MASP1: variants seen among roughly 807,000 people sequenced by gnomAD.
MASP1 encodes the protein mannan-binding lectin serine protease 1.
A neutral mutation model predicts 77.1 loss-of-function variants in MASP1; 59 were observed. That is an observed-to-expected ratio of 0.77 (90% CI 0.62 to 0.95). The LOEUF (loss-of-function observed/expected upper bound fraction) is 0.95, where lower values mean the gene tolerates loss of function less well. Among genes scored for constraint, MASP1 ranks in the 40% least tolerant of loss-of-function variants. MASP1 has a pLI of 0.00. For missense variants in MASP1, 885 were observed against 912.9 expected, an observed-to-expected ratio of 0.97 and a Z score of 0.39; for synonymous variants, 362 against 354.5, an observed-to-expected ratio of 1.02 and a Z score of -0.24.
chr3:187,288,493 T>G (rs1718034227), intron 1 of MASP1, among the ~76,000 whole-genome samples: 1 of 152,222 alleles, frequency 6.6e-6, no homozygotes, highest in Non-Finnish European at 1.5e-5. Context: ...GGAGGTCTTG[T>G]TTCCTCATCC....
chr3:187,225,536 A>C, intron 12 of MASP1: 1 of 1,611,016 alleles, frequency 6.2e-7, no homozygotes, highest in Non-Finnish European at 8.5e-7. Flanking sequence ...CATGTGAGGC[A>C]TGGGTGCAAT....
At chr3:187,251,425 A>C (rs971097604) in intron 7 of MASP1, 111 of 565,336 alleles carry the variant, frequency 2.0e-4, no homozygotes, top group Middle Eastern at 4.8e-4. Flanking sequence ...AAAAAAAAAA[A>C]AAACAAACTT....
At chr3:187,249,144 G>C (rs954611432) in intron 8 of MASP1, among the ~76,000 whole-genome samples, 2 of 152,140 alleles carry the variant, frequency 1.3e-5, no homozygotes, top group South Asian at 4.1e-4. Flanking sequence ...TGCAATCTCC[G>C]CCTCCTGGGT....
intron 2 of MASP1, among the ~76,000 whole-genome samples, chr3:187,281,674 T>C (rs370979290): frequency 6.6e-6 from 1 of 152,332 alleles, no homozygotes; most frequent in East Asian, 1.9e-4. Context: ...TTTCTGGTGT[T>C]ATCCTGACTA....
Position 187,251,645 on chromosome 3 carries a change from T to G in MASP1, c.1000A>C (p.Lys334Gln). 1 of 1,614,076 alleles carries G rather than the reference T, an allele frequency of 6.2e-7. No homozygotes were observed. The highest frequency in any genetic ancestry group is 1.3e-5 in the African/African-American group (1 of 75,040). ...GCAAGGCTCTGCACCTTCAGCACTT[T>G]GTAGCCTGTGTCACAGCTGACGAGC... ...QVLVSCDTGYKVLKDNVEMDT... is the reference protein window; with the variant it reads ...QVLVSCDTGYQVLKDNVEMDT... Residue 334 changes from lysine to glutamine, a missense_variant, in exon 7 of 11, where the codon AAA (lysine) becomes CAA (glutamine). Physicochemically the swap from Lys to Gln is moderately conservative, Grantham distance 53 (BLOSUM62 1). Transcript: ENST00000296280.
chr3:187,256,087 T>A (rs1329107341), intron 5 of MASP1, among the ~76,000 whole-genome samples: 1 of 152,138 alleles, frequency 6.6e-6, no homozygotes, highest in African/African-American at 2.4e-5. Context: ...TTAATTATAA[T>A]ATTGAAATAA....
chr3:187,223,108 G>T (rs777730617), intron 14 of MASP1: 1 of 1,607,328 alleles, frequency 6.2e-7, no homozygotes, highest in African/African-American at 1.3e-5. Context: ...CTGTCTGTAG[G>T]TTATAAAGTG....
Position 187,262,713 on chromosome 3 carries a change from G to T in MASP1, c.245C>A (p.Thr82Asn). 6.2e-7 allele frequency: 1 copy of T among 1,614,020 alleles called. No homozygotes were observed. Among genetic ancestry groups the T allele is most frequent in the Non-Finnish European group, 8.5e-7 (1 of 1,179,950 alleles). ...LCEYDYVKVE[T>N]EDQVLATFCG... ...GAAGGTTGCCAGCACCTGGTCCTCA[G>T]TTTCTACCTTTGAGGTCAAAGAGAA... Residue 82 changes from threonine to asparagine, a missense_variant, in exon 3 of 11, where the codon ACT becomes AAT. Thr to Asn is a moderately conservative substitution (Grantham distance 65). Coordinates refer to ENST00000296280, the MANE Select transcript of MASP1 (RefSeq NM_139125.4).
At chr3:187,246,262 G>T (rs1579503971) in intron 8 of MASP1, 1 of 417,718 alleles carries the variant, frequency 2.4e-6, no homozygotes, top group Non-Finnish European at 3.2e-6. Context: ...AATGTTGTCT[G>T]CATCAAAGCT....
chr3:187,236,522 A>T lies in MASP1; in HGVS notation c.1349T>A (p.Ile450Asn). 6.2e-7 allele frequency: 1 copy of T among 1,613,966 alleles called. No individual in the cohort carries two copies. Among genetic ancestry groups the T allele is most frequent in the Non-Finnish European group, 8.5e-7 (1 of 1,179,964 alleles). Reference protein sequence around the residue: ...SRSLPSLVKRIIGGRNAEPGL... With the variant: ...SRSLPSLVKRNIGGRNAEPGL... ...AGGCTCAGCATTTCGGCCCCCAATGATCCTCTTGACCAGGCTTGGCAGGGA... is the reference window on the plus strand; with the variant it reads ...AGGCTCAGCATTTCGGCCCCCAATGTTCCTCTTGACCAGGCTTGGCAGGGA... Residue 450 changes from isoleucine (I) to asparagine (N), a missense_variant, in exon 11 of 11, where the codon ATC becomes AAC. Physicochemically the swap from Ile to Asn is moderately radical, Grantham distance 149. Coordinates refer to ENST00000296280, the MANE Select transcript of MASP1 (RefSeq NM_139125.4).
intron 2 of MASP1, among the ~76,000 whole-genome samples, chr3:187,273,950 C>G (rs1716741057): frequency 6.6e-6 from 1 of 152,228 alleles, no homozygotes; most frequent in Admixed American, 6.5e-5. Context: ...TGGCCCATGC[C>G]TGTAATCCCT....
At chr3:187,219,111 TG>T in exon 16 of MASP1, 1 of 152,064 alleles carries the variant, frequency 6.6e-6, no homozygotes, top group Non-Finnish European at 1.5e-5. Flanking sequence ...TGGAAAGGGG[TG>T]GGTATTTCAG....
rs1713100082 is a variant in MASP1, at chr3:187,235,733, T to C, written c.2138A>G (p.Glu713Gly). 6.2e-7 allele frequency: 1 copy of C among 1,613,932 alleles called. No individual in the cohort carries two copies. The highest frequency in any genetic ancestry group is 8.5e-7 in the Non-Finnish European group (1 of 1,180,016). The change falls in exon 11 of 11, where the codon GAG (glutamate) becomes GGG (glycine). Residue 713 changes from glutamate (E) to glycine (G), a missense_variant. Coordinates refer to ENST00000296280, the MANE Select transcript of MASP1 (RefSeq NM_139125.4). ...AACACTTTGTGGTAAGCCCATCTGC[T>C]CCCACACCCAGTCCACGTAATTGGA... ...KVSNYVDWVWEQMGLPQSVVE... is the reference protein window; with the variant it reads ...KVSNYVDWVWGQMGLPQSVVE...
chr3:187,235,946 C>T lies in MASP1; in HGVS notation c.1925G>A (p.Ser642Asn). The change falls in exon 11 of 11, where the codon AGC (serine) becomes AAC (asparagine). Residue 642 changes from serine (S) to asparagine (N), a missense_variant. Transcript: ENST00000296280. ...AGCACAGAACATGTTCTCCGTGACG[C>T]TGTAATTGCCCGAGCGGGACTCATA... ...TSYESRSGNY[S>N]VTENMFCAGY... 3 of 1,614,250 alleles carry T rather than the reference C, an allele frequency of 1.9e-6. No homozygotes were observed. The highest frequency in any genetic ancestry group is 2.5e-6 in the Non-Finnish European group (3 of 1,180,052).
At chr3:187,229,047 C>T (rs1220327539) in intron 11 of MASP1, among the ~76,000 whole-genome samples, 3 of 152,146 alleles carry the variant, frequency 2.0e-5, no homozygotes, top group Non-Finnish European at 4.4e-5. Context: ...GGGTGGGATC[C>T]GATGCAGAAG....
intron 1 of MASP1, among the ~76,000 whole-genome samples, chr3:187,288,586 C>A (rs893577791): frequency 2.0e-5 from 3 of 152,230 alleles, no homozygotes; most frequent in African/African-American, 7.2e-5. Flanking sequence ...AACTGTCCAG[C>A]CCTAGCCAAA....
intron 8 of MASP1, among the ~76,000 whole-genome samples, chr3:187,245,323 T>G (rs892852999): frequency 1.6e-4 from 25 of 152,310 alleles, no homozygotes; most frequent in South Asian, 1.2e-3. Flanking sequence ...CCCTTAACTT[T>G]GGTCCACCTG....
intron 8 of MASP1, among the ~76,000 whole-genome samples, chr3:187,247,748 G>A (rs141690233): frequency 6.6e-6 from 1 of 152,258 alleles, no homozygotes; most frequent in Non-Finnish European, 1.5e-5. Flanking sequence ...GGTGGAGGCA[G>A]GGCCAGAACA....
intron 4 of MASP1, among the ~76,000 whole-genome samples, chr3:187,257,363 C>CTTATT (rs150478704): frequency 0.073 from 11,112 of 151,762 alleles, 411 homozygotes; most frequent in African/African-American, 0.09. Flanking sequence ...TTCCTTCTTA[C>CTTATT]TTATTTTATT....
Sources: gnomAD v4.1 joint callset for allele counts (sites outside exome capture counted in the v4.1 genomes callset) on GRCh38, gnomAD v4.1.1 for gene constraint, MANE v1.5 for transcripts, NCBI Gene and HGNC (gene_info 2026-07-23, HGNC 2026-07-21) for gene names.